The following KDM5A variants were observed in gnomAD, a reference collection of about 807,000 sequenced individuals.
KDM5A encodes the protein lysine demethylase 5A, also known as lysine-specific demethylase 5A.
KDM5A carries 42 observed loss-of-function variants against 193.5 expected under a neutral mutation model. That is an observed-to-expected ratio of 0.22 (90% CI 0.17 to 0.28). KDM5A has a LOEUF of 0.28. KDM5A is among the 10% of genes least tolerant of loss of function. The probability of loss-of-function intolerance (pLI) is 1.00; values close to 1 mark genes in which losing one functional copy is unlikely to be tolerated. For missense variants in KDM5A, 1,692 were observed against 2,055.1 expected (o/e 0.82, Z 3.42); for synonymous variants, 796 against 718.1 (o/e 1.11, Z -1.73).
chr12:389,307 G>A lies in KDM5A; in HGVS notation c.-216C>T. 1.5e-6 allele frequency: 1 copy of A among 682,740 alleles called. No individual in the cohort carries two copies. Among genetic ancestry groups the A allele is most frequent in the East Asian group, 2.7e-5 (1 of 36,866 alleles). 42.3% of individuals were successfully genotyped at this position (682,740 alleles called of 1,614,324 possible). On this transcript the variant is annotated 5_prime_UTR_variant, in exon 1 of 28. Coordinates refer to ENST00000399788, the MANE Select transcript of KDM5A (RefSeq NM_001042603.3). ...ACTGAGGTTCAGGACTTTTCCGGAA[G>A]TTACCGTGCTGTCAAATCCCTCCGC...
At chr12:326,676 A>C (rs1296524171) in intron 14 of KDM5A, among the ~76,000 whole-genome samples, 1 of 152,102 alleles carries the variant, frequency 6.6e-6, no homozygotes, top group African/African-American at 2.4e-5. Flanking sequence ...CCTGGCTAAC[A>C]AGGCAAAACC....
In KDM5A at chr12:307,780, T is replaced by A; in HGVS notation, c.3604A>T (p.Ser1202Cys). ...PKSSSQKKGS[S>C]WQAKEVKFLC... ...AATTTTACTTCTTTAGCTTGCCAGC[T>A]GGATCCTTTTTTTTGGGAACTTGAT... The change falls in exon 23 of 28, where the codon AGC becomes TGC. Residue 1202 changes from serine to cysteine, a missense_variant. Physicochemically the swap from Ser to Cys is moderately radical, Grantham distance 112. Transcript: ENST00000399788. The surrounding 1 kb of genome is among the most constrained non-coding windows in gnomAD (Gnocchi z 4.3). The A allele has an allele frequency of 6.2e-7, 1 of 1,614,206 alleles. No individual in the cohort carries two copies. Among genetic ancestry groups the A allele is most frequent in the Non-Finnish European group, 8.5e-7 (1 of 1,180,044 alleles).
At chr12:292,146 C>T (rs960124530) in intron 27 of KDM5A, among the ~76,000 whole-genome samples, 3 of 152,122 alleles carry the variant, frequency 2.0e-5, no homozygotes, top group Non-Finnish European at 4.4e-5. Context: ...TCAGGTGATC[C>T]GCCCACCTCG....
chr12:292,862 A>G lies in KDM5A; in HGVS notation c.4763T>C (p.Val1588Ala), dbSNP rs1943315258. The G allele has an allele frequency of 6.2e-7, 1 of 1,614,204 alleles. No homozygotes were observed. The highest frequency in any genetic ancestry group is 1.3e-5 in the African/African-American group (1 of 75,058). ...ESTEKKREKK[V>A]LDIPSKYDWS... is the part of the protein sequence containing the mutation. ...GTCATACTTTGAGGGGATGTCCAGCACCTTTTTCTCTCTTTTCTTTTCAGT... is the reference window on the plus strand; with the variant it reads ...GTCATACTTTGAGGGGATGTCCAGCGCCTTTTTCTCTCTTTTCTTTTCAGT... Residue 1588 changes from valine to alanine, a missense_variant, in exon 27 of 28, where the codon GTG becomes GCG. Val to Ala is a moderately conservative substitution (Grantham distance 64). Transcript: ENST00000399788.
At chr12:356,957 A>C (rs1239701599) in intron 5 of KDM5A, among the ~76,000 whole-genome samples, 1 of 152,140 alleles carries the variant, frequency 6.6e-6, no homozygotes, top group African/African-American at 2.4e-5. Context: ...ATTGTACTGG[A>C]AGCCCCTGGG....
Position 389,273 on chromosome 12 carries a change from G to C in KDM5A, c.-182C>G. On this transcript the variant is annotated 5_prime_UTR_variant, in exon 1 of 28. Transcript: ENST00000399788. ...TCCCGTTTGTTATTGTTTCTTGCAA[G>C]GCTTTTCCACTGAGGTTCAGGACTT... The C allele has an allele frequency of 1.4e-6, 1 of 730,458 alleles. No homozygotes were observed. 45.2% of individuals were successfully genotyped at this position (730,458 alleles called of 1,614,324 possible).
chr12:304,576 A>C (rs1046032839), intron 24 of KDM5A, among the ~76,000 whole-genome samples: 10 of 151,600 alleles, frequency 6.6e-5, no homozygotes, highest in Non-Finnish European at 1.5e-4. Context: ...TCTTGCCACC[A>C]TTCTTCTCAG....
intron 10 of KDM5A, among the ~76,000 whole-genome samples, chr12:346,157 G>A (rs1247647818): frequency 2.0e-5 from 3 of 152,122 alleles, no homozygotes; most frequent in Non-Finnish European, 4.4e-5. Flanking sequence ...AAATAAACTA[G>A]AAAATCTAGA....
Position 338,459 on chromosome 12 carries a change from C to G in KDM5A, c.1309-4037G>C, listed in dbSNP as rs564046346. ...GATTAAGCACACCCTATGTAACCCA[C>G]TGAGAGAATACCCTGGGAAGCCTGT... On this transcript the variant is annotated intron_variant, in intron 10 of 27. Coordinates refer to ENST00000399788, the MANE Select transcript of KDM5A (RefSeq NM_001042603.3). Among the ~76,000 whole-genome samples the G allele has an allele frequency of 6.6e-5, 10 of 152,282 alleles. No homozygotes were observed. The South Asian group carries it at 2.1e-3, about 32-fold the overall frequency.
At chr12:363,687 A>G (rs774439160) in intron 4 of KDM5A, among the ~76,000 whole-genome samples, 1 of 152,232 alleles carries the variant, frequency 6.6e-6, no homozygotes, top group Non-Finnish European at 1.5e-5. Flanking sequence ...TCTACATTAA[A>G]GCAAAGAAGA....
intron 9 of KDM5A, among the ~76,000 whole-genome samples, chr12:351,219 TCCCGGACAGGC>T (rs1944154449): frequency 6.6e-6 from 1 of 152,098 alleles, no homozygotes; most frequent in African/African-American, 2.4e-5. Context: ...AGCCCCCTAC[TCCCGGACAGGC>T]CCCGGTGTGT....
At chr12:358,886 G>T (rs1944259339) in intron 5 of KDM5A, among the ~76,000 whole-genome samples, 1 of 152,040 alleles carries the variant, frequency 6.6e-6, no homozygotes, top group African/African-American at 2.4e-5. Context: ...GCAGGGAACT[G>T]CTTGAACCCG....
At position 310,898 on chromosome 12, in the gene KDM5A, T is replaced by C. The variant is rs115939216; in HGVS notation, c.3203A>G (p.His1068Arg). The C allele has an allele frequency of 1.2e-6, 2 of 1,614,216 alleles. No individual in the cohort carries two copies. Among genetic ancestry groups the C allele is most frequent in the Non-Finnish European group, 8.5e-7 (1 of 1,180,026 alleles). Residue 1068 changes from histidine to arginine, a missense_variant, in exon 21 of 28, where the codon CAT becomes CGT. Coordinates refer to ENST00000399788, the MANE Select transcript of KDM5A (RefSeq NM_001042603.3). ...AAGTTCAAGTACCTGTAACAATGTA[T>C]GGCTAGAATTCTTCTTAAGAAACGT... ...GRTFLKKNSS[H>R]TLLQVLSPRT...
intron 24 of KDM5A, among the ~76,000 whole-genome samples, chr12:304,504 G>GTA (rs1172363789): frequency 4.1e-5 from 6 of 147,930 alleles, no homozygotes; most frequent in African/African-American, 1.5e-4. Context: ...ATTGGCAGGG[G>GTA]TATATAGCTC....
intron 8 of KDM5A, among the ~76,000 whole-genome samples, chr12:353,368 C>A (rs183472351): frequency 3.7e-3 from 569 of 152,194 alleles, no homozygotes; most frequent in Middle Eastern, 0.01. Flanking sequence ...ATAAAAGATA[C>A]CGTCAGTTTA....
At chr12:290,348 A>G (rs1164951475) in intron 27 of KDM5A, among the ~76,000 whole-genome samples, 2 of 152,242 alleles carry the variant, frequency 1.3e-5, no homozygotes, top group Non-Finnish European at 2.9e-5. Context: ...CTTCTGCTTA[A>G]AACGAAACAC....
At chr12:312,334 A>T (rs1041303247) in intron 20 of KDM5A, among the ~76,000 whole-genome samples, 2 of 152,124 alleles carry the variant, frequency 1.3e-5, no homozygotes, top group Non-Finnish European at 2.9e-5. Context: ...CCCTTCCCTT[A>T]CATGCCTGCT....
intron 9 of KDM5A, among the ~76,000 whole-genome samples, chr12:351,652 A>G (rs550528163): frequency 6.6e-6 from 1 of 152,308 alleles, no homozygotes; most frequent in South Asian, 2.1e-4. Context: ...TTACTCATAC[A>G]GGGCTAAAAT....
chr12:316,195 C>A (rs1032313823), intron 19 of KDM5A, among the ~76,000 whole-genome samples: 3 of 152,152 alleles, frequency 2.0e-5, no homozygotes, highest in Admixed American at 2.0e-4. Flanking sequence ...AGTCTAACTC[C>A]CACTATTTCC....
Sources: gnomAD v4.1 joint callset for allele counts (sites outside exome capture counted in the v4.1 genomes callset) on GRCh38, gnomAD v4.1.1 for gene constraint, Gnocchi (gnomAD v3.1) non-coding constraint, MANE v1.5 for transcripts, NCBI Gene and HGNC (gene_info 2026-07-23, HGNC 2026-07-21) for gene names.